The following EGFLAM variants were observed in gnomAD, a reference collection of about 807,000 sequenced individuals.
The protein encoded by EGFLAM is EGF like, fibronectin type III and laminin G domains, also known as pikachurin.
A neutral mutation model predicts 113.1 loss-of-function variants in EGFLAM; 79 were observed. That is an observed-to-expected ratio of 0.70 (90% CI 0.58 to 0.84). EGFLAM has a LOEUF of 0.84. Ranked by LOEUF, EGFLAM falls within the 40% of genes least tolerant of loss-of-function variation. The pLI is 0.00. For synonymous variants in EGFLAM, 504 were observed against 487.6 expected, an observed-to-expected ratio of 1.03 and a Z score of -0.44; for missense variants, 1,265 against 1,291.6, an observed-to-expected ratio of 0.98 and a Z score of 0.32.
At chr5:38,369,914 A>G (rs1218989184) in intron 5 of EGFLAM, among the ~76,000 whole-genome samples, 1 of 152,192 alleles carries the variant, frequency 6.6e-6, no homozygotes, top group African/African-American at 2.4e-5. Context: ...GAATAGACGG[A>G]ATCTGTGTTC....
chr5:38,339,117 G>C (rs1056433453), intron 3 of EGFLAM, among the ~76,000 whole-genome samples: 1 of 151,978 alleles, frequency 6.6e-6, no homozygotes, highest in Admixed American at 6.6e-5. Flanking sequence ...CCCAATAAAA[G>C]CTTTATAAAT....
At chr5:38,399,222 T>G (rs746823946) in intron 6 of EGFLAM, among the ~76,000 whole-genome samples, 2 of 151,892 alleles carry the variant, frequency 1.3e-5, no homozygotes, top group Non-Finnish European at 2.9e-5. Context: ...CTGAATTAAT[T>G]CATTCCAAAT....
chr5:38,330,176 C>G (rs924540544), intron 1 of EGFLAM, among the ~76,000 whole-genome samples: 15 of 152,274 alleles, frequency 9.9e-5, no homozygotes, highest in African/African-American at 3.1e-4. Context: ...AAAATAAAAA[C>G]TACATTTTCC....
Position 38,464,130 on chromosome 5 carries a change from C to G in EGFLAM, c.*144C>G. On this transcript the variant is annotated 3_prime_UTR_variant, in exon 22 of 22. Transcript: ENST00000322350. ...GAAGAAAGTACACACTGATGAGAAA[C>G]TGAGAACCAAGACAGGCATCCCTGG... 8.9e-7 allele frequency: 1 copy of G among 1,125,842 alleles called. No individual in the cohort carries two copies. Among genetic ancestry groups the G allele is most frequent in the South Asian group, 1.8e-5 (1 of 57,106 alleles). The allele number at this position is 1,125,842 out of a possible 1,614,324, so 69.7% of individuals were successfully genotyped here.
intron 1 of EGFLAM, among the ~76,000 whole-genome samples, chr5:38,270,796 A>G (rs767733819): frequency 1.5e-4 from 23 of 152,244 alleles, no homozygotes; most frequent in Non-Finnish European, 2.9e-4. Context: ...CTGCAAAAGT[A>G]CCTAAACATT....
At chr5:38,426,593 C>A (rs1742016978) in intron 13 of EGFLAM, among the ~76,000 whole-genome samples, 1 of 152,068 alleles carries the variant, frequency 6.6e-6, no homozygotes, top group Non-Finnish European at 1.5e-5. Flanking sequence ...ATTTCAGTAG[C>A]CTTACATAAT....
chr5:38,326,801 A>ATTT (rs377427126), intron 1 of EGFLAM, among the ~76,000 whole-genome samples: 1 of 134,690 alleles, frequency 7.4e-6, no homozygotes, highest in African/African-American at 2.8e-5. Context: ...CCGTAAGGGT[A>ATTT]TTTTTTTTTT....
rs189873319 is a variant in EGFLAM, at chr5:38,348,721, G to A, written c.292-1780G>A. ...AGGAGCTAGGGGTGCAGGTATGGTA[G>A]GGAATTACTGTTTTTAAGGTGTGTG... On this transcript the variant is annotated intron_variant, in intron 3 of 21. Transcript: ENST00000322350. 2.0e-3 allele frequency among the ~76,000 whole-genome samples: 304 copies of A among 152,226 alleles called. 2 individuals carry two copies. Among genetic ancestry groups the A allele is most frequent in the Admixed American group, 4.3e-3 (66 of 15,296 alleles).
At chr5:38,368,396 G>A (rs777912846) in intron 5 of EGFLAM, among the ~76,000 whole-genome samples, 11 of 152,132 alleles carry the variant, frequency 7.2e-5, no homozygotes, top group African/African-American at 2.4e-4. Context: ...TTCCAAACAC[G>A]TTAACACACT....
At chr5:38,319,265 G>C (rs1738682088) in intron 1 of EGFLAM, among the ~76,000 whole-genome samples, 1 of 152,138 alleles carries the variant, frequency 6.6e-6, no homozygotes, top group Non-Finnish European at 1.5e-5. Context: ...CTGATGTGGA[G>C]AGATGACCCC....
intron 1 of EGFLAM, among the ~76,000 whole-genome samples, chr5:38,316,135 T>G (rs1298574167): frequency 6.6e-6 from 1 of 152,104 alleles, no homozygotes; most frequent in Admixed American, 6.5e-5. Flanking sequence ...TATTGATATT[T>G]TTATTTAATT....
In EGFLAM at chr5:38,441,259, C is replaced by T. The variant is rs76837131; in HGVS notation, c.2464+2804C>T. 2.3e-4 allele frequency among the ~76,000 whole-genome samples: 35 copies of T among 152,274 alleles called. No homozygotes were observed. The East Asian group carries it at 5.4e-3, about 24-fold the overall frequency. On this transcript the variant is annotated intron_variant, in intron 17 of 21. Coordinates refer to ENST00000322350, the MANE Select transcript of EGFLAM (RefSeq NM_152403.4). ...AGCCAGAGGTTCTTCTTACTCCCAG[C>T]TGTGACTTCAGGTGCCAAGAAAAAA...
chr5:38,356,369 C>G (rs548426535), intron 5 of EGFLAM, among the ~76,000 whole-genome samples: 1 of 152,334 alleles, frequency 6.6e-6, no homozygotes, highest in South Asian at 2.1e-4. Flanking sequence ...AGAGCTCTTG[C>G]TCATACTCCT....
intron 2 of EGFLAM, 115 bp from the exon 3 acceptor site, chr5:38,338,583 A>C: frequency 1.1e-6 from 1 of 924,924 alleles, no homozygotes; most frequent in Non-Finnish European, 1.7e-6. Context: ...GAACTAGTGC[A>C]CGTGATGTTA....
intron 21 of EGFLAM, 61 bp from the exon 22 acceptor site, chr5:38,463,771 G>A (rs926894504): frequency 1.8e-5 from 29 of 1,591,894 alleles, no homozygotes; most frequent in South Asian, 7.8e-5. Flanking sequence ...CTGGAACCCC[G>A]ACCTTGCCCT....
chr5:38,430,078 T>C (rs1313552438), intron 14 of EGFLAM: 1 of 228,700 alleles, frequency 4.4e-6, no homozygotes, highest in Non-Finnish European at 9.2e-6. Context: ...CCATCATCAA[T>C]GTTCTTCACG....
intron 6 of EGFLAM, among the ~76,000 whole-genome samples, chr5:38,398,868 C>A (rs901199979): frequency 2.6e-5 from 4 of 152,198 alleles, no homozygotes; most frequent in Non-Finnish European, 5.9e-5. Flanking sequence ...TGGAGAGAAC[C>A]ATTCTTATTC....
At chr5:38,428,777 CT>C (rs1486655268) in intron 14 of EGFLAM, among the ~76,000 whole-genome samples, 1 of 152,158 alleles carries the variant, frequency 6.6e-6, no homozygotes, top group Admixed American at 6.5e-5. Context: ...TAACTCTGTG[CT>C]TATTTTTGAC....
intron 3 of EGFLAM, among the ~76,000 whole-genome samples, chr5:38,348,214 G>A (rs1044905019): frequency 1.2e-4 from 19 of 152,146 alleles, no homozygotes; most frequent in African/African-American, 4.3e-4. Context: ...CATGCCTGGA[G>A]ACCAGGAGGC....
Sources: allele counts gnomAD v4.1 joint callset (sites outside exome capture counted in the v4.1 genomes callset), GRCh38; gene constraint gnomAD v4.1.1; transcripts MANE v1.5; gene names NCBI Gene and HGNC (gene_info 2026-07-23, HGNC 2026-07-21).